HERC1: variants seen among roughly 807,000 people sequenced by gnomAD.
HERC1 encodes probable E3 ubiquitin-protein ligase HERC1.
Under a neutral mutation model 554.3 loss-of-function variants are expected in HERC1, and 160 were observed. That is an observed-to-expected ratio of 0.29 (90% CI 0.25 to 0.33). The LOEUF (loss-of-function observed/expected upper bound fraction) is 0.33. HERC1 is among the 10% of genes least tolerant of loss of function. HERC1 has a pLI of 1.00. For missense variants in HERC1, 4,919 were observed against 5,918.5 expected (o/e 0.83, Z 5.54); for synonymous variants, 2,175 against 2,131.7 (o/e 1.02, Z -0.56).
intron 25 of HERC1, among the ~76,000 whole-genome samples, chr15:63,703,132 T>C (rs995901309): frequency 7.2e-6 from 1 of 138,272 alleles, no homozygotes; most frequent in Admixed American, 7.2e-5. Flanking sequence ...AAAAAAAGAG[T>C]AAATTTAGCT....
Position 63,749,236 on chromosome 15 carries a change from G to A in HERC1, c.2219+131C>T. The A allele has an allele frequency of 1.5e-6, 1 of 654,028 alleles. No homozygotes were observed. 40.5% of individuals were successfully genotyped at this position (654,028 alleles called of 1,614,324 possible). ...ATGTCATTTCTATGATAGAGAAAAA[G>A]CAATACTATATATGTTCAGAAGAGT... On this transcript the variant is annotated intron_variant, in intron 10 of 77. Coordinates refer to ENST00000443617, the MANE Select transcript of HERC1 (RefSeq NM_003922.4). The surrounding 1 kb of genome is among the most constrained non-coding windows in gnomAD (Gnocchi z 4.1).
intron 1 of HERC1, among the ~76,000 whole-genome samples, chr15:63,789,742 G>A (rs1212072209): frequency 6.6e-6 from 1 of 151,454 alleles, no homozygotes; most frequent in African/African-American, 2.4e-5. Context: ...AAGTTGCAGT[G>A]AGCCGAGATG....
At chr15:63,702,589 CT>C (rs552819773) in intron 25 of HERC1, among the ~76,000 whole-genome samples, 113 of 152,234 alleles carry the variant, frequency 7.4e-4, no homozygotes, top group African/African-American at 2.6e-3. Flanking sequence ...CATAGCAAAT[CT>C]TTTAAGTTTT....
chr15:63,628,953 CTTT>C (rs35700814), intron 69 of HERC1, 138 bp from the exon 70 acceptor site: 3,123 of 523,972 alleles, frequency 6.0e-3, no homozygotes, highest in Middle Eastern at 7.2e-3. Flanking sequence ...AAAACACATT[CTTT>C]TTTTTTTTTT....
chr15:63,740,674 T>C (rs527835102), intron 12 of HERC1, among the ~76,000 whole-genome samples: 14 of 152,262 alleles, frequency 9.2e-5, no homozygotes, highest in African/African-American at 3.1e-4. Context: ...TAATAATTAA[T>C]GATGTTGAAC....
rs1191323386 is a variant in HERC1 at position 63,774,770 on chromosome 15, T to C, written c.854A>G (p.Lys285Arg). ...CATTCCTTCCTGGCTTGAGAGTAGTTTGCCTTTCTCCATGGTGTGTACAAC... is the reference window on the plus strand; with the variant it reads ...CATTCCTTCCTGGCTTGAGAGTAGTCTGCCTTTCTCCATGGTGTGTACAAC... ...SAVVHTMEKGKLLSSQEGMIS... is the reference protein window; with the variant it reads ...SAVVHTMEKGRLLSSQEGMIS... Residue 285 changes from lysine (K) to arginine (R), a missense_variant, in exon 2 of 78, where the codon AAA (lysine) becomes AGA (arginine). Coordinates refer to ENST00000443617, the MANE Select transcript of HERC1 (RefSeq NM_003922.4). The C allele has an allele frequency of 3.1e-6, 5 of 1,613,994 alleles. No homozygotes were observed. Among genetic ancestry groups the C allele is most frequent in the Non-Finnish European group, 3.4e-6 (4 of 1,179,882 alleles).
chr15:63,656,324 A>G lies in HERC1; in HGVS notation c.9634T>C (p.Ser3212Pro). 6.2e-7 allele frequency: 1 copy of G among 1,612,686 alleles called. No homozygotes were observed. The highest frequency in any genetic ancestry group is 1.1e-5 in the South Asian group (1 of 91,078). ...SSCSLAAGLE[S>P]LGLTDIRTLV... Reference sequence around the variant, plus strand: ...GTTCGGATATCTGTTAGCCCCAGAGACTCAAGACCAGCAGCCAGGCTACAA... The same window carrying G: ...GTTCGGATATCTGTTAGCCCCAGAGGCTCAAGACCAGCAGCCAGGCTACAA... Residue 3212 changes from serine (S) to proline (P), a missense_variant, in exon 49 of 78, where the codon TCT (serine) becomes CCT (proline). Around this residue, in one of 11 missense-constraint regions of HERC1, gnomAD observed 1,963 missense variants for 2,228.6 expected, o/e 0.88. Coordinates refer to ENST00000443617, the MANE Select transcript of HERC1 (RefSeq NM_003922.4).
In HERC1 at chr15:63,734,936, G is replaced by C; in HGVS notation, c.2521-87C>G. The C allele has an allele frequency of 8.9e-7, 1 of 1,129,170 alleles. No individual in the cohort carries two copies. Among genetic ancestry groups the C allele is most frequent in the South Asian group, 1.5e-5 (1 of 65,930 alleles). 69.9% of individuals were successfully genotyped at this position (1,129,170 alleles called of 1,614,324 possible). On this transcript the variant is annotated intron_variant, in intron 12 of 77. Transcript: ENST00000443617. The surrounding 1 kb of genome is among the most constrained non-coding windows in gnomAD (Gnocchi z 4.6). ...CTTAAAGCGAACTCACTGACTACTA[G>C]GATCATGTAAGTCTAAAAAAGATGG...
chr15:63,771,273 CAA>C (rs1049367014), intron 2 of HERC1, among the ~76,000 whole-genome samples: 10 of 151,950 alleles, frequency 6.6e-5, no homozygotes, highest in African/African-American at 2.4e-4. Flanking sequence ...GAAGAAATAA[CAA>C]ATATATAATT....
intron 16 of HERC1, among the ~76,000 whole-genome samples, chr15:63,728,910 G>T (rs903474271): frequency 7.5e-5 from 11 of 146,230 alleles, no homozygotes; most frequent in African/African-American, 2.8e-4. Flanking sequence ...GGTAAATGCT[G>T]AAGAGAAAGG....
intron 67 of HERC1, among the ~76,000 whole-genome samples, chr15:63,633,077 T>G (rs896334228): frequency 1.3e-5 from 2 of 152,228 alleles, no homozygotes; most frequent in African/African-American, 4.8e-5. Context: ...CTCTGGGTAA[T>G]AGAGACCAGG....
At chr15:63,768,222 AT>A (rs1223409676) in intron 2 of HERC1, among the ~76,000 whole-genome samples, 12 of 152,134 alleles carry the variant, frequency 7.9e-5, no homozygotes, top group African/African-American at 2.9e-4. Context: ...TTTCTTTTTA[AT>A]TATTTAGGAT....
intron 12 of HERC1, among the ~76,000 whole-genome samples, chr15:63,740,841 T>C (rs975061925): frequency 6.6e-6 from 1 of 152,204 alleles, no homozygotes; most frequent in African/African-American, 2.4e-5. Context: ...ATCAGATCTA[T>C]GACTTACAAG....
chr15:63,829,092 T>C (rs975828823), intron 1 of HERC1, among the ~76,000 whole-genome samples: 1 of 152,072 alleles, frequency 6.6e-6, no homozygotes, highest in African/African-American at 2.4e-5. Flanking sequence ...TGGATTAGAA[T>C]AGGTGTCAAT....
Position 63,698,824 on chromosome 15 carries a change from C to T in HERC1, c.4809G>A (p.Val1603=). The T allele has an allele frequency of 6.2e-7, 1 of 1,613,858 alleles. No homozygotes were observed. Among genetic ancestry groups the T allele is most frequent in the Non-Finnish European group, 8.5e-7 (1 of 1,179,854 alleles). The stretch of plus-strand genomic sequence containing the variant: ...GCTCTTTAAAACCTGGGGCATTCCC[C>T]ACATCTCCACTCACAAAGCTTACAA... The part of the protein sequence containing the change: ...ENVVSFVSGD[V]GNAPGFKEPE... Residue 1603 remains valine (V), a synonymous_variant, in exon 26 of 78, where the codon GTG becomes GTA. Transcript: ENST00000443617.
At chr15:63,784,302 C>T (rs529840641) in intron 1 of HERC1, among the ~76,000 whole-genome samples, 1 of 151,966 alleles carries the variant, frequency 6.6e-6, no homozygotes, top group East Asian at 1.9e-4. Context: ...ACAGTTCTAG[C>T]CAGAAAGTAG....
At chr15:63,826,068 A>G (rs1201718696) in intron 1 of HERC1, among the ~76,000 whole-genome samples, 1 of 152,164 alleles carries the variant, frequency 6.6e-6, no homozygotes, top group Non-Finnish European at 1.5e-5. Flanking sequence ...CCGGCCAAAT[A>G]ATAATTTCTT....
chr15:63,756,675 T>C lies in HERC1; in HGVS notation c.1295A>G (p.Tyr432Cys). ...GSVRACGKGS[Y>C]GRLGLGDSNN... Reference sequence around the variant, plus strand: ...GGAGTCTCCAAGGCCCAGTCTCCCATAGCTGCCTTTCCCGCAAGCTCTAAC... The same window carrying C: ...GGAGTCTCCAAGGCCCAGTCTCCCACAGCTGCCTTTCCCGCAAGCTCTAAC... Residue 432 changes from tyrosine (Y) to cysteine (C), a missense_variant, in exon 5 of 78, where the codon TAT becomes TGT. Tyr to Cys is a radical substitution (Grantham distance 194). Transcript: ENST00000443617. The surrounding 1 kb of genome is among the most constrained non-coding windows in gnomAD (Gnocchi z 5.0). 6.2e-7 allele frequency: 1 copy of C among 1,613,206 alleles called. No homozygotes were observed. The highest frequency in any genetic ancestry group is 8.5e-7 in the Non-Finnish European group (1 of 1,179,454).
At chr15:63,826,773 C>T (rs1451409601) in intron 1 of HERC1, among the ~76,000 whole-genome samples, 1 of 93,796 alleles carries the variant, frequency 1.1e-5, no homozygotes, top group African/African-American at 3.9e-5. Context: ...CTTTTAATCA[C>T]TTATCTCTGG....
Sources: gnomAD v4.1 joint callset for allele counts (sites outside exome capture counted in the v4.1 genomes callset) on GRCh38, gnomAD v4.1.1 for gene constraint, gnomAD v4.1.1 regional missense constraint, Gnocchi (gnomAD v3.1) non-coding constraint, MANE v1.5 for transcripts, NCBI Gene and HGNC (gene_info 2026-07-23, HGNC 2026-07-21) for gene names.